ENPP6: variants seen among roughly 807,000 people sequenced by gnomAD.
ENPP6 encodes the protein ectonucleotide pyrophosphatase/phosphodiesterase 6, also known as glycerophosphocholine cholinephosphodiesterase ENPP6.
Under a neutral mutation model 42.0 loss-of-function variants are expected in ENPP6, and 32 were observed. The observed-to-expected ratio is 0.76, with a 90% confidence interval of 0.58 to 1.02. The LOEUF is 1.02. Ranked by LOEUF, ENPP6 falls within the 50% of genes least tolerant of loss-of-function variation. The probability of loss-of-function intolerance (pLI) is 0.00; values close to 1 mark genes in which losing one functional copy is unlikely to be tolerated. For synonymous variants in ENPP6, 213 were observed against 216.0 expected, an observed-to-expected ratio of 0.99 and a Z score of 0.12; for missense variants, 552 against 566.8, an observed-to-expected ratio of 0.97 and a Z score of 0.27.
chr4:184,208,658 G>T lies in ENPP6; in HGVS notation c.241+8921C>A, dbSNP rs112619906. On this transcript the variant is annotated intron_variant, in intron 1 of 7. Transcript: ENST00000296741. ...CAAACTGCAAGGCGGCAGCGAGGCT[G>T]GGGGAGGGGCGCCCGCCATTGCCCA... Among the ~76,000 whole-genome samples the T allele has an allele frequency of 5.9e-3, 883 of 148,952 alleles. 5 individuals are homozygous for T. Among genetic ancestry groups the T allele is most frequent in the African/African-American group, 0.018 (718 of 39,558 alleles).
intron 2 of ENPP6, among the ~76,000 whole-genome samples, chr4:184,143,589 G>A (rs1016917675): frequency 3.3e-5 from 5 of 152,200 alleles, no homozygotes; most frequent in African/African-American, 1.2e-4. Context: ...CTCCCGCTGT[G>A]CGTCCCTTTC....
At chr4:184,102,289 C>T (rs537698521) in intron 6 of ENPP6, among the ~76,000 whole-genome samples, 1 of 152,186 alleles carries the variant, frequency 6.6e-6, no homozygotes, top group African/African-American at 2.4e-5. Flanking sequence ...CGAGGCTGCG[C>T]TGGGAGTGAA....
At chr4:184,148,782 T>G (rs1216946375) in intron 2 of ENPP6, among the ~76,000 whole-genome samples, 3 of 152,344 alleles carry the variant, frequency 2.0e-5, no homozygotes, top group Admixed American at 2.0e-4. Context: ...TTTTAACACA[T>G]TTCTATTGCA....
rs72662143 is a variant in ENPP6, at chr4:184,213,112, G to A, written c.241+4467C>T. The stretch of plus-strand genomic sequence containing the variant: ...TTCAAGATGGATTAAAGACTTAAAC[G>A]TTAGACCTAAAACCATAAAAACCCT... On this transcript the variant is annotated intron_variant, in intron 1 of 7. Coordinates refer to ENST00000296741, the MANE Select transcript of ENPP6 (RefSeq NM_153343.4). 2.6e-4 allele frequency among the ~76,000 whole-genome samples: 40 copies of A among 152,010 alleles called. No individual in the cohort carries two copies. The East Asian group carries it at 7.3e-3, about 28-fold the overall frequency.
chr4:184,173,255 C>T (rs577552297), intron 1 of ENPP6, among the ~76,000 whole-genome samples: 1 of 152,128 alleles, frequency 6.6e-6, no homozygotes, highest in Non-Finnish European at 1.5e-5. Flanking sequence ...AGTAACTCCA[C>T]TTCAAGAAGT....
In ENPP6 at chr4:184,089,098, CT is replaced by C. The variant is rs1483992181; in HGVS notation, c.*2078del. 1 of 152,164 alleles carries C rather than the reference CT, an allele frequency of 6.6e-6. No homozygotes were observed. Among genetic ancestry groups the C allele is most frequent in the East Asian group, 1.9e-4 (1 of 5,188 alleles). 9.4% of individuals were successfully genotyped at this position (152,164 alleles called of 1,614,324 possible). A position where few individuals can be genotyped will look rare whatever the true frequency, so the allele number is the denominator to read the frequency against. Reference sequence around the variant, plus strand: ...GAAAGAAACTTTGAACAATAGACGTCTTTTTCAACAACTACTGCCAATGTTT... The same window carrying C: ...GAAAGAAACTTTGAACAATAGACGTCTTTTCAACAACTACTGCCAATGTTT... On this transcript the variant is annotated 3_prime_UTR_variant, in exon 8 of 8. Coordinates refer to ENST00000296741, the MANE Select transcript of ENPP6 (RefSeq NM_153343.4).
intron 2 of ENPP6, among the ~76,000 whole-genome samples, chr4:184,143,281 G>A (rs2111369928): frequency 6.6e-6 from 1 of 152,280 alleles, no homozygotes; most frequent in South Asian, 2.1e-4. Context: ...TGATTCCCAA[G>A]TCTTACAAAT....
intron 1 of ENPP6, among the ~76,000 whole-genome samples, chr4:184,214,571 T>C (rs1733168973): frequency 6.6e-6 from 1 of 152,054 alleles, no homozygotes; most frequent in Non-Finnish European, 1.5e-5. Flanking sequence ...GCAAAGACTT[T>C]GAACCAACCC....
chr4:184,128,379 C>A (rs541561958), intron 2 of ENPP6, among the ~76,000 whole-genome samples: 2 of 152,034 alleles, frequency 1.3e-5, no homozygotes, highest in Admixed American at 6.5e-5. Flanking sequence ...CGAGGTTTCA[C>A]CATGATGGCC....
intron 1 of ENPP6, among the ~76,000 whole-genome samples, chr4:184,195,030 T>C (rs1732772836): frequency 6.6e-6 from 1 of 151,552 alleles, no homozygotes; most frequent in Non-Finnish European, 1.5e-5. Context: ...AGATTTTTTT[T>C]ATCATGGTAA....
At chr4:184,092,825 G>A (rs902521276) in intron 7 of ENPP6, among the ~76,000 whole-genome samples, 2 of 152,176 alleles carry the variant, frequency 1.3e-5, no homozygotes, top group Admixed American at 1.3e-4. Context: ...AGTTTTTTAA[G>A]ATATTAGAAA....
At chr4:184,158,161 T>C (rs893861737) in intron 1 of ENPP6, among the ~76,000 whole-genome samples, 1 of 152,224 alleles carries the variant, frequency 6.6e-6, no homozygotes, top group Non-Finnish European at 1.5e-5. Context: ...GACAATAATA[T>C]GGCACAGTGG....
chr4:184,142,880 C>T (rs958215620), intron 2 of ENPP6, among the ~76,000 whole-genome samples: 3 of 152,140 alleles, frequency 2.0e-5, no homozygotes, highest in East Asian at 1.9e-4. Flanking sequence ...CCAGGGTCAG[C>T]GACTGCACTT....
intron 2 of ENPP6, among the ~76,000 whole-genome samples, chr4:184,150,589 G>A (rs542127470): frequency 7.7e-4 from 117 of 152,384 alleles, no homozygotes; most frequent in Middle Eastern, 6.8e-3. Flanking sequence ...AGAAAGGATA[G>A]CAGCAACCAG....
intron 2 of ENPP6, among the ~76,000 whole-genome samples, chr4:184,152,475 A>AC (rs1248105943): frequency 6.6e-6 from 1 of 150,642 alleles, no homozygotes; most frequent in Non-Finnish European, 1.5e-5. Context: ...CAGCCACTTC[A>AC]CCCCATCTCC....
In ENPP6 at chr4:184,153,645, G is replaced by T. The variant is rs761947229; in HGVS notation, c.330C>A (p.Asp110Glu). 2 of 1,614,100 alleles carry T rather than the reference G, an allele frequency of 1.2e-6. No homozygotes were observed. Among genetic ancestry groups the T allele is most frequent in the East Asian group, 2.2e-5 (1 of 44,900 alleles). ...CATTCCACCAGAGAGGCATTAGGCT[G>T]TCTTTGTTGACGCCAATGTCAAAGG... ...NKSFDIGVNK[D>E]SLMPLWWNGS... The change falls in exon 2 of 8, where the codon GAC becomes GAA. Residue 110 changes from aspartate to glutamate, a missense_variant. Physicochemically the swap from Asp to Glu is conservative, Grantham distance 45. Coordinates refer to ENST00000296741, the MANE Select transcript of ENPP6 (RefSeq NM_153343.4).
At chr4:184,121,820 A>T (rs1046376388) in intron 3 of ENPP6, among the ~76,000 whole-genome samples, 4 of 152,190 alleles carry the variant, frequency 2.6e-5, no homozygotes, top group Non-Finnish European at 4.4e-5. Context: ...AAGGAGACAA[A>T]GGTTAGATTT....
chr4:184,181,409 C>G (rs961482065), intron 1 of ENPP6, among the ~76,000 whole-genome samples: 1 of 152,050 alleles, frequency 6.6e-6, no homozygotes, highest in African/African-American at 2.4e-5. Context: ...TAGGAAGAAC[C>G]AATATTGTGA....
In ENPP6 at chr4:184,217,615, T is replaced by A. The variant is rs1419077213; in HGVS notation, c.205A>T (p.Ser69Cys). 1.2e-5 allele frequency: 19 copies of A among 1,614,120 alleles called. No individual in the cohort carries two copies. The highest frequency in any genetic ancestry group is 1.5e-5 in the Non-Finnish European group (18 of 1,180,044). Residue 69 changes from serine (S) to cysteine (C), a missense_variant, in exon 1 of 8, where the codon AGT becomes TGT. Transcript: ENST00000296741. The part of the protein sequence containing the change: ...KVDYLTPDFP[S>C]LSYPNYYTLM... ...GTATAATAATTGGGATACGAGAGAC[T>A]AGGGAAGTCTGGAGTCAAGTAATCC...
Sources: gnomAD v4.1 joint callset for allele counts (sites outside exome capture counted in the v4.1 genomes callset) on GRCh38, gnomAD v4.1.1 for gene constraint, MANE v1.5 for transcripts, NCBI Gene and HGNC (gene_info 2026-07-23, HGNC 2026-07-21) for gene names.